The following DLEC1 variants were observed in gnomAD, a reference collection of about 807,000 sequenced individuals.
The protein encoded by DLEC1 is DLEC1 cilia and flagella associated protein.
A neutral mutation model predicts 198.1 loss-of-function variants in DLEC1; 146 were observed. The ratio of observed to expected loss-of-function variants is 0.74; its 90% CI spans 0.64 to 0.85. The LOEUF is 0.85. DLEC1 is among the 40% of genes least tolerant of loss of function. DLEC1 has a pLI of 0.00. For synonymous variants in DLEC1, 897 were observed against 866.8 expected, an observed-to-expected ratio of 1.03 and a Z score of -0.61; for missense variants, 2,233 against 2,220.0, an observed-to-expected ratio of 1.01 and a Z score of -0.12.
intron 1 of DLEC1, among the ~76,000 whole-genome samples, chr3:38,041,649 C>A (rs931495177): frequency 6.6e-6 from 1 of 150,894 alleles, no homozygotes; most frequent in Non-Finnish European, 1.5e-5. Flanking sequence ...AAGTTTGAGT[C>A]CAGTCTGACC....
chr3:38,045,538 G>T lies in DLEC1; in HGVS notation c.412-5G>T. 1 of 1,611,538 alleles carries T rather than the reference G, an allele frequency of 6.2e-7. No individual in the cohort carries two copies. The highest frequency in any genetic ancestry group is 1.1e-5 in the South Asian group (1 of 90,740). On this transcript the variant is annotated splice_polypyrimidine_tract_variant and splice_region_variant and intron_variant, in intron 1 of 36. Coordinates refer to ENST00000308059, the MANE Select transcript of DLEC1 (RefSeq NM_007335.4). The stretch of plus-strand genomic sequence containing the variant: ...TTTCTGTGCATTTGATCATCCCCCT[G>T]CCAGATTCGGGAGCTCTATAAGCAG...
intron 9 of DLEC1, among the ~76,000 whole-genome samples, 193 bp from the exon 10 acceptor site, chr3:38,088,101 TCA>T (rs1262901115): frequency 6.6e-6 from 1 of 152,218 alleles, no homozygotes; most frequent in Non-Finnish European, 1.5e-5. Context: ...CTTCAGAACC[TCA>T]CCTGGTACCT....
Position 38,110,229 on chromosome 3 carries a change from A to G in DLEC1, c.3391A>G (p.Lys1131Glu), listed in dbSNP as rs1389311201. Reference sequence around the variant, plus strand: ...CCCAATACGGACCCGTTTCTCCCTCAAGTTTGAGTATTTCGGGAGCCCCCA... The same window carrying G: ...CCCAATACGGACCCGTTTCTCCCTCGAGTTTGAGTATTTCGGGAGCCCCCA... ...RSPIRTRFSL[K>E]FEYFGSPQNS... Residue 1131 changes from lysine to glutamate, a missense_variant, in exon 23 of 37, where the codon AAG (lysine) becomes GAG (glutamate). Physicochemically the swap from Lys to Glu is moderately conservative, Grantham distance 56. Transcript: ENST00000308059. The G allele has an allele frequency of 6.2e-7, 1 of 1,614,094 alleles. No individual in the cohort carries two copies. The highest frequency in any genetic ancestry group is 1.1e-5 in the South Asian group (1 of 91,076).
intron 24 of DLEC1, 51 bp downstream of exon 24, chr3:38,111,798 C>T (rs1291427446): frequency 6.3e-7 from 1 of 1,585,244 alleles, no homozygotes; most frequent in Non-Finnish European, 8.5e-7. Context: ...GCCAGAGCCA[C>T]AGCCTTCTGT....
chr3:38,066,042 T>C (rs1286301154), intron 6 of DLEC1, among the ~76,000 whole-genome samples: 1 of 152,254 alleles, frequency 6.6e-6, no homozygotes, highest in Non-Finnish European at 1.5e-5. Flanking sequence ...TCAAGTTCCA[T>C]TTTTCCTCTT....
intron 11 of DLEC1, 152 bp from the exon 12 acceptor site, chr3:38,093,453 G>T (rs1191847980): frequency 4.6e-6 from 4 of 866,576 alleles, no homozygotes; most frequent in Non-Finnish European, 7.2e-6. Flanking sequence ...TTAACCTGTG[G>T]GCGGATATCC....
intron 2 of DLEC1, among the ~76,000 whole-genome samples, chr3:38,053,433 C>A (rs1304027432): frequency 6.6e-6 from 1 of 152,056 alleles, no homozygotes; most frequent in African/African-American, 2.4e-5. Flanking sequence ...GCGCCTCTGC[C>A]CGGCCGCGAC....
intron 21 of DLEC1, 137 bp downstream of exon 21, chr3:38,108,652 T>G (rs1037823318): frequency 2.8e-6 from 2 of 709,322 alleles, no homozygotes; most frequent in Non-Finnish European, 4.8e-6. Context: ...TGCATTTGGG[T>G]CTGGGGTCCC....
chr3:38,115,981 T>TG (rs1459324906), intron 27 of DLEC1, among the ~76,000 whole-genome samples: 1 of 151,842 alleles, frequency 6.6e-6, no homozygotes, highest in Non-Finnish European at 1.5e-5. Flanking sequence ...TGTTGCCAGG[T>TG]GGGTGCAAAG....
chr3:38,062,895 G>C, intron 5 of DLEC1, 94 bp downstream of exon 5: 2 of 1,319,826 alleles, frequency 1.5e-6, no homozygotes, highest in South Asian at 2.7e-5. Flanking sequence ...GAGGTCCCTA[G>C]ACTTGTGGGG....
rs538722342 is a variant in DLEC1, at chr3:38,044,047, T to C, written c.412-1496T>C. Among the ~76,000 whole-genome samples, 7 of 152,106 alleles carry C rather than the reference T, an allele frequency of 4.6e-5. No homozygotes were observed. The South Asian group carries it at 1.2e-3, about 27-fold the overall frequency. ...ACTTTAGGAGGCTGAGATGAGAGGATTACTTGAGTCCAGGAGTTTGAGACC... is the reference window on the plus strand; with the variant it reads ...ACTTTAGGAGGCTGAGATGAGAGGACTACTTGAGTCCAGGAGTTTGAGACC... On this transcript the variant is annotated intron_variant, in intron 1 of 36. Coordinates refer to ENST00000308059, the MANE Select transcript of DLEC1 (RefSeq NM_007335.4).
At chr3:38,046,784 C>T (rs1276432662) in intron 2 of DLEC1, among the ~76,000 whole-genome samples, 1 of 152,076 alleles carries the variant, frequency 6.6e-6, no homozygotes. Context: ...TGGCTTTTTC[C>T]CCCCCTCAGG....
chr3:38,067,557 G>T (rs1241756771), intron 6 of DLEC1, among the ~76,000 whole-genome samples: 1 of 152,186 alleles, frequency 6.6e-6, no homozygotes, highest in Non-Finnish European at 1.5e-5. Flanking sequence ...TGAGGCCATT[G>T]CTGGAAAGAG....
chr3:38,116,521 T>C lies in DLEC1; in HGVS notation c.3925T>C (p.Phe1309Leu). 1 of 1,614,002 alleles carries C rather than the reference T, an allele frequency of 6.2e-7. No homozygotes were observed. Among genetic ancestry groups the C allele is most frequent in the African/African-American group, 1.3e-5 (1 of 75,006 alleles). ...KEDRLVELLV[F>L]YGPPFPLRDQ... is the part of the protein sequence containing the mutation. Reference sequence around the variant, plus strand: ...AGACCGGCTGGTGGAGCTGCTGGTGTTTTATGGGCCACCTTTCCCGCTGCG... The same window carrying C: ...AGACCGGCTGGTGGAGCTGCTGGTGCTTTATGGGCCACCTTTCCCGCTGCG... Residue 1309 changes from phenylalanine (F) to leucine (L), a missense_variant, in exon 28 of 37, where the codon TTT becomes CTT. Transcript: ENST00000308059.
intron 13 of DLEC1, chr3:38,095,470 A>G: frequency 3.3e-6 from 1 of 302,338 alleles, no homozygotes; most frequent in East Asian, 7.1e-5. Context: ...GGGCCACGGT[A>G]GGCTAGAAGG....
intron 7 of DLEC1, among the ~76,000 whole-genome samples, 198 bp downstream of exon 7, chr3:38,084,443 GGTGGTGGTGGTAGTAGTAATA>G (rs1698277626): frequency 3.5e-4 from 1 of 2,844 alleles, no homozygotes; most frequent in Non-Finnish European, 1.0e-3. Context: ...TAGTGGTGGT[GGTGGTGGTGGTAGTAGTAATA>G]GTAGTGGTGG....
intron 13 of DLEC1, 107 bp from the exon 14 acceptor site, chr3:38,095,781 T>G: frequency 1.4e-6 from 2 of 1,442,738 alleles, no homozygotes; most frequent in Non-Finnish European, 1.9e-6. Flanking sequence ...AAGGTCCTTC[T>G]GATGGCTAGG....
In DLEC1 at chr3:38,114,443, G is replaced by C; in HGVS notation, c.3768G>C (p.Gln1256His). The change falls in exon 26 of 37, where the codon CAG becomes CAC. Residue 1256 changes from glutamine to histidine, a missense_variant. Physicochemically the swap from Gln to His is conservative, Grantham distance 24 (BLOSUM62 0). Coordinates refer to ENST00000308059, the MANE Select transcript of DLEC1 (RefSeq NM_007335.4). ...CCTCCTACACTATTGACCAGGCCCA[G>C]AAGGAACCAGCCATGAGGTGCTCCA... ...RTTSYTIDQA[Q>H]KEPAMRFGTQ... The C allele has an allele frequency of 6.2e-7, 1 of 1,614,212 alleles. No homozygotes were observed. Among genetic ancestry groups the C allele is most frequent in the Non-Finnish European group, 8.5e-7 (1 of 1,180,024 alleles).
At chr3:38,069,031 T>C (rs536742732) in intron 6 of DLEC1, among the ~76,000 whole-genome samples, 1 of 152,232 alleles carries the variant, frequency 6.6e-6, no homozygotes, top group South Asian at 2.1e-4. Context: ...AATTAATACC[T>C]AAAACTGAAC....
Sources: gnomAD v4.1 joint callset for allele counts (sites outside exome capture counted in the v4.1 genomes callset) on GRCh38, gnomAD v4.1.1 for gene constraint, MANE v1.5 for transcripts, NCBI Gene and HGNC (gene_info 2026-07-23, HGNC 2026-07-21) for gene names.